Variants in AIRIM observed in about 807,000 individuals in gnomAD.
AIRIM encodes the protein AFG2-interacting ribosome maturation factor.
the AIRIM span, among the ~76,000 whole-genome samples, chr1:37,688,054 C>T: frequency 1.3e-5 from 2 of 151,838 alleles, no homozygotes; most frequent in Non-Finnish European, 2.9e-5. Flanking sequence ...CTGCTCCTGT[C>T]ATACTTTTCT....
the AIRIM span, chr1:37,690,493 A>G: frequency 7.4e-6 from 9 of 1,220,906 alleles, no homozygotes; most frequent in African/African-American, 1.6e-5. Flanking sequence ...AGAACCCTCC[A>G]GGGACTGCAC....
the AIRIM span, chr1:37,691,187 G>A: frequency 1.3e-5 from 2 of 152,404 alleles, no homozygotes; most frequent in Admixed American, 6.5e-5. Flanking sequence ...ACAGACCAGG[G>A]TGGAAGAGAG....
the AIRIM span, chr1:37,686,443 G>C: frequency 4.3e-6 from 7 of 1,613,042 alleles, no homozygotes; most frequent in Non-Finnish European, 8.5e-7. Flanking sequence ...GCACCTTGAG[G>C]AGGATGGCTC....
At chr1:37,684,733 T>G in the AIRIM span, among the ~76,000 whole-genome samples, 1 of 152,224 alleles carries the variant, frequency 6.6e-6, no homozygotes, top group Non-Finnish European at 1.5e-5. Context: ...TTTGCAGTTC[T>G]AAGAACAATC....
chr1:37,689,550 A>G, the AIRIM span: 2 of 1,518,106 alleles, frequency 1.3e-6, no homozygotes, highest in Admixed American at 4.3e-5. Flanking sequence ...AGCTACATAT[A>G]AAACACCTCG....
At chr1:37,682,233 T>C in the AIRIM span, 1 of 152,234 alleles carries the variant, frequency 6.6e-6, no homozygotes, top group Non-Finnish European at 1.5e-5. Context: ...CTATACCCTT[T>C]ACTAAGTCCC....
At chr1:37,683,602 T>G in the AIRIM span, 34 of 713,366 alleles carry the variant, frequency 4.8e-5, no homozygotes, top group East Asian at 9.2e-4. Flanking sequence ...CCTGAGCAAC[T>G]GTTTACTAAC....
At chr1:37,686,493 T>C in the AIRIM span, 5 of 1,581,222 alleles carry the variant, frequency 3.2e-6, no homozygotes, top group African/African-American at 1.4e-5. Flanking sequence ...TCATGAGACA[T>C]GTATAAAGGA....
the AIRIM span, chr1:37,683,411 G>C: frequency 6.2e-7 from 1 of 1,613,808 alleles, no homozygotes; most frequent in Non-Finnish European, 8.5e-7. Flanking sequence ...CTGGATAGAC[G>C]AAAGAAGATA....
the AIRIM span, chr1:37,682,054 T>C: frequency 1.3e-5 from 2 of 152,234 alleles, no homozygotes; most frequent in African/African-American, 4.8e-5. Context: ...CCTATCTATA[T>C]TAAAAGAAAA....
chr1:37,687,961 G>A, the AIRIM span, among the ~76,000 whole-genome samples: 479 of 152,102 alleles, frequency 3.1e-3, 2 homozygotes, highest in Non-Finnish European at 5.8e-3. Flanking sequence ...AGGCTCAAGC[G>A]ATCCTCCTGC....
the AIRIM span, chr1:37,683,091 G>A: frequency 6.2e-7 from 1 of 1,600,202 alleles, no homozygotes; most frequent in Admixed American, 1.7e-5. Flanking sequence ...TTCAACTGTG[G>A]TACCCGTGGT....
chr1:37,683,103 TC>T, the AIRIM span: 8 of 1,610,014 alleles, frequency 5.0e-6, no homozygotes, highest in Non-Finnish European at 6.0e-6. Context: ...ACCCGTGGTC[TC>T]CAGATACGCA....
the AIRIM span, chr1:37,689,989 G>C: frequency 6.9e-7 from 1 of 1,445,378 alleles, no homozygotes; most frequent in Non-Finnish European, 9.0e-7. Flanking sequence ...TGTTCAGACA[G>C]GAGTTGTCTC....
At chr1:37,690,305 G>T in the AIRIM span, 1 of 1,291,292 alleles carries the variant, frequency 7.7e-7, no homozygotes. Flanking sequence ...TTCTGAAGGA[G>T]ACCCTGGTTT....
chr1:37,684,804 T>C, the AIRIM span, among the ~76,000 whole-genome samples: 2 of 152,050 alleles, frequency 1.3e-5, no homozygotes, highest in Non-Finnish European at 2.9e-5. Flanking sequence ...AGTTGGGGTT[T>C]GGGAATTATT....
the AIRIM span, chr1:37,683,466 G>C: frequency 1.2e-6 from 2 of 1,605,926 alleles, no homozygotes; most frequent in Non-Finnish European, 1.7e-6. Flanking sequence ...CTGCTCAAAA[G>C]AAAATGCAGT....
chr1:37,683,446 A>C, the AIRIM span: 1 of 1,613,338 alleles, frequency 6.2e-7, no homozygotes, highest in Non-Finnish European at 8.5e-7. Flanking sequence ...ACCTTTCTGG[A>C]AGTTAAGGAC....
the AIRIM span, chr1:37,689,627 A>C: frequency 6.2e-7 from 1 of 1,611,042 alleles, no homozygotes; most frequent in Non-Finnish European, 8.5e-7. Flanking sequence ...TAGCTTGTCC[A>C]GGACGATGTC....
Sources: gnomAD v4.1 joint callset for allele counts (sites outside exome capture counted in the v4.1 genomes callset) on GRCh38, gnomAD v4.1.1 for gene constraint, MANE v1.5 for transcripts, NCBI Gene and HGNC (gene_info 2026-07-23, HGNC 2026-07-21) for gene names.